ZNF536: variants seen among roughly 807,000 people sequenced by gnomAD.
ZNF536 encodes zinc finger protein 536.
Under a neutral mutation model 84.5 loss-of-function variants are expected in ZNF536, and 13 were observed. The ratio of observed to expected loss-of-function variants is 0.15; its 90% CI spans 0.10 to 0.24. The LOEUF (loss-of-function observed/expected upper bound fraction) is 0.24. Among genes scored for constraint, ZNF536 ranks in the 10% least tolerant of loss-of-function variants. ZNF536 has a pLI of 1.00. For missense variants in ZNF536, 1,536 were observed against 1,747.5 expected (o/e 0.88, Z 2.16); for synonymous variants, 811 against 742.5 (o/e 1.09, Z -1.50).
At chr19:30,518,230 C>G (rs2044170778) in intron 2 of ZNF536, among the ~76,000 whole-genome samples, 1 of 152,204 alleles carries the variant, frequency 6.6e-6, no homozygotes, top group Admixed American at 6.5e-5. Context: ...AACCTGGCAG[C>G]CCTGGGCAGC....
At chr19:30,322,861 T>G (rs2046902508) in intron 2 of ZNF536, among the ~76,000 whole-genome samples, 1 of 152,042 alleles carries the variant, frequency 6.6e-6, no homozygotes, top group East Asian at 1.9e-4. Flanking sequence ...GCTTCCCACC[T>G]CATGTGACTT....
intron 2 of ZNF536, among the ~76,000 whole-genome samples, chr19:30,515,060 G>A (rs984002859): frequency 1.3e-5 from 2 of 151,972 alleles, no homozygotes; most frequent in African/African-American, 4.8e-5. Context: ...AGACCAGCAC[G>A]GGCAACATGG....
At chr19:30,254,714 A>C (rs1161256544) in intron 1 of ZNF536, among the ~76,000 whole-genome samples, 1 of 152,162 alleles carries the variant, frequency 6.6e-6, no homozygotes, top group Non-Finnish European at 1.5e-5. Context: ...GGGAAGTAGC[A>C]AAGTGCTTTT....
intron 2 of ZNF536, among the ~76,000 whole-genome samples, chr19:30,534,637 T>C (rs1294620015): frequency 1.3e-5 from 2 of 152,236 alleles, no homozygotes; most frequent in African/African-American, 4.8e-5. Flanking sequence ...AAAGGTACCA[T>C]ATGCTGCTTA....
At chr19:30,674,789 G>A (rs1286955133) in intron 1 of ZNF536, among the ~76,000 whole-genome samples, 1 of 152,154 alleles carries the variant, frequency 6.6e-6, no homozygotes, top group Admixed American at 6.5e-5. Context: ...GTTGGTATTC[G>A]AGGTAGGCAG....
At chr19:30,626,638 C>A (rs1446171631) in intron 1 of ZNF536, among the ~76,000 whole-genome samples, 1 of 152,124 alleles carries the variant, frequency 6.6e-6, no homozygotes, top group South Asian at 2.1e-4. Flanking sequence ...GGAAGGAGGC[C>A]GTCCGCTGCC....
At chr19:30,422,238 A>G (rs1416215503) in intron 1 of ZNF536, among the ~76,000 whole-genome samples, 4 of 152,162 alleles carry the variant, frequency 2.6e-5, no homozygotes, top group African/African-American at 9.7e-5. Context: ...ACAGGGCTCT[A>G]CAGAAAACCT....
chr19:30,489,012 C>T (rs1385633208), intron 2 of ZNF536, among the ~76,000 whole-genome samples: 2 of 152,222 alleles, frequency 1.3e-5, no homozygotes, highest in Admixed American at 6.5e-5. Flanking sequence ...AAAATCAGGA[C>T]GTTATATACT....
intron 2 of ZNF536, among the ~76,000 whole-genome samples, chr19:30,286,722 T>C (rs2045644412): frequency 6.6e-6 from 1 of 152,204 alleles, no homozygotes; most frequent in Non-Finnish European, 1.5e-5. Flanking sequence ...GAATACAAAA[T>C]TTATATTGAA....
chr19:30,338,382 G>C (rs1308287409), intron 2 of ZNF536, among the ~76,000 whole-genome samples: 1 of 151,748 alleles, frequency 6.6e-6, no homozygotes, highest in Non-Finnish European at 1.5e-5. Context: ...TAATAATGGT[G>C]GTGATGATGG....
At chr19:30,485,604 T>TTC (rs59094384) in intron 2 of ZNF536, among the ~76,000 whole-genome samples, 10,596 of 100,258 alleles carry the variant, frequency 0.11, 475 homozygotes, top group East Asian at 0.26. Flanking sequence ...TTTTTTCTTC[T>TTC]TTTTTTTTTT....
At chr19:30,229,398 T>TC (rs1308421837) in intron 1 of ZNF536, among the ~76,000 whole-genome samples, 2 of 152,200 alleles carry the variant, frequency 1.3e-5, no homozygotes, top group Non-Finnish European at 2.9e-5. Context: ...TCACAGTGTC[T>TC]CAAATTTTAT....
intron 2 of ZNF536, among the ~76,000 whole-genome samples, chr19:30,287,967 A>AC (rs907701829): frequency 2.6e-5 from 4 of 152,114 alleles, no homozygotes; most frequent in Admixed American, 2.6e-4. Flanking sequence ...ATTTTTTGAA[A>AC]CCTTTATTTT....
intron 1 of ZNF536, among the ~76,000 whole-genome samples, chr19:30,422,560 A>G (rs1466643549): frequency 1.3e-5 from 2 of 152,136 alleles, no homozygotes; most frequent in East Asian, 3.9e-4. Flanking sequence ...CAGTTTGGGT[A>G]TCAGGTCTTG....
At chr19:30,412,281 A>G (rs2050525981) in intron 1 of ZNF536, among the ~76,000 whole-genome samples, 1 of 151,954 alleles carries the variant, frequency 6.6e-6, no homozygotes, top group South Asian at 2.1e-4. Flanking sequence ...TCCAGGACAG[A>G]GTGTCTTGTT....
rs186627316 is a variant in ZNF536 at position 30,573,179 on chromosome 19, T to A, written c.169+23665T>A. 9.5e-4 allele frequency among the ~76,000 whole-genome samples: 144 copies of A among 152,266 alleles called. 1 individual carries two copies. Among genetic ancestry groups the A allele is most frequent in the African/African-American group, 3.1e-3 (130 of 41,570 alleles). On this transcript the variant is annotated intron_variant, in intron 1 of 1. Coordinates refer to the ZNF536 transcript ENST00000592773. ...GGATTTCCAAGGTTTTTCCAGATGT[T>A]GATATTTCATCCAAGCTTCTCGAGG... is the stretch of plus-strand genomic sequence containing the variant.
intron 1 of ZNF536, among the ~76,000 whole-genome samples, chr19:30,576,857 T>G (rs943242717): frequency 6.6e-6 from 1 of 152,206 alleles, no homozygotes; most frequent in African/African-American, 2.4e-5. Context: ...TTCCTGGAGT[T>G]GCATGTCTCT....
intron 1 of ZNF536, among the ~76,000 whole-genome samples, chr19:30,271,294 C>CTTTGTTTTTTTTTT (rs2025825347): frequency 9.7e-6 from 1 of 103,184 alleles, no homozygotes; most frequent in African/African-American, 3.5e-5. Flanking sequence ...GTGTTTTTTT[C>CTTTGTTTTTTTTTT]TTTTCTTTTT....
intron 2 of ZNF536, among the ~76,000 whole-genome samples, chr19:30,287,650 GTGGGTGGATGGA>G (rs560151125): frequency 9.8e-4 from 106 of 108,464 alleles, no homozygotes; most frequent in African/African-American, 3.2e-3. Flanking sequence ...GGATGGATGG[GTGGGTGGATGGA>G]TGGGTGGGTG....
Sources: allele counts gnomAD v4.1 joint callset (sites outside exome capture counted in the v4.1 genomes callset), GRCh38; gene constraint gnomAD v4.1.1; transcripts MANE v1.5; gene names NCBI Gene and HGNC (gene_info 2026-07-23, HGNC 2026-07-21).